The following VEPH1 variants were observed in gnomAD, a reference collection of about 807,000 sequenced individuals.
VEPH1 encodes ventricular zone-expressed PH domain-containing protein homolog 1.
In VEPH1, 80 loss-of-function variants were observed where a neutral mutation model predicts 85.2. That is an observed-to-expected ratio of 0.94 (90% CI 0.78 to 1.13). The LOEUF (loss-of-function observed/expected upper bound fraction) is 1.13, where lower values mean the gene tolerates loss of function less well. VEPH1 is among the 50% of genes most tolerant of loss of function. VEPH1 has a pLI of 0.00. For synonymous variants in VEPH1, 297 were observed against 348.0 expected (o/e 0.85, Z 1.63); for missense variants, 955 against 980.5 (o/e 0.97, Z 0.35).
At chr3:157,322,396 A>G (rs1339828626) in intron 9 of VEPH1, among the ~76,000 whole-genome samples, 2 of 152,174 alleles carry the variant, frequency 1.3e-5, no homozygotes, top group Non-Finnish European at 1.5e-5. Flanking sequence ...CCTTTTGGCT[A>G]CTGTGAATAA....
At position 157,327,603 on chromosome 3, in the gene VEPH1, T is replaced by C. The variant is rs368499812; in HGVS notation, c.1736-10402A>G. ...AGAATCAGGGAACTTTAGAAACACTTATAAGAGTCACACAGCAAAGGGTAG... is the reference window on the plus strand; with the variant it reads ...AGAATCAGGGAACTTTAGAAACACTCATAAGAGTCACACAGCAAAGGGTAG... On this transcript the variant is annotated intron_variant, in intron 9 of 13. Coordinates refer to ENST00000362010, the MANE Select transcript of VEPH1 (RefSeq NM_001167912.2). Among the ~76,000 whole-genome samples the C allele has an allele frequency of 8.0e-4, 122 of 152,240 alleles. 2 individuals are homozygous for C. In the South Asian group the frequency reaches 0.015, roughly 18 times the overall value.
intron 11 of VEPH1, among the ~76,000 whole-genome samples, chr3:157,308,509 T>C (rs1719761139): frequency 3.3e-5 from 5 of 152,046 alleles, no homozygotes; most frequent in Admixed American, 3.3e-4. Context: ...TCCATAAAAG[T>C]GGAGTAATTT....
intron 6 of VEPH1, among the ~76,000 whole-genome samples, chr3:157,406,688 C>T (rs959141834): frequency 2.0e-5 from 3 of 152,154 alleles, no homozygotes; most frequent in East Asian, 3.9e-4. Context: ...TTCACAGATG[C>T]GGGCTATTGG....
rs1443888636 is a variant in VEPH1, at chr3:157,470,463, T to C, written c.205A>G (p.Ile69Val). Residue 69 changes from isoleucine (I) to valine (V), a missense_variant, in exon 3 of 14, where the codon ATC becomes GTC. Ile to Val is a conservative substitution (Grantham distance 29, BLOSUM62 3). Coordinates refer to ENST00000362010, the MANE Select transcript of VEPH1 (RefSeq NM_001167912.2). ...EICITRITTA[I>V]RETESIEKHA... ...TTTTCAATGGACTCGGTCTCTCTGA[T>C]GGCTGTTGTGATTCTTGTGATACAG... 1.9e-6 allele frequency: 3 copies of C among 1,614,246 alleles called. No homozygotes were observed. The highest frequency in any genetic ancestry group is 1.1e-5 in the South Asian group (1 of 91,084).
At chr3:157,409,911 G>A in intron 6 of VEPH1, 3 of 985,400 alleles carry the variant, frequency 3.0e-6, no homozygotes, top group Non-Finnish European at 3.6e-6. Context: ...GGAGTTTGCT[G>A]GAAACCAGAA....
intron 2 of VEPH1, among the ~76,000 whole-genome samples, chr3:157,474,184 C>G (rs1577746316): frequency 6.6e-6 from 1 of 152,108 alleles, no homozygotes; most frequent in African/African-American, 2.4e-5. Context: ...AGTGAATTAA[C>G]ATTTCCTGCA....
chr3:157,437,179 A>G, intron 4 of VEPH1: 1 of 1,374,366 alleles, frequency 7.3e-7, no homozygotes, highest in Non-Finnish European at 1.0e-6. Flanking sequence ...ATAGCTTGTT[A>G]TGCAAAAGTG....
intron 2 of VEPH1, among the ~76,000 whole-genome samples, chr3:157,481,502 A>T (rs1738093625): frequency 1.3e-5 from 2 of 150,108 alleles, no homozygotes; most frequent in African/African-American, 2.5e-5. Flanking sequence ...CTAAGCAAAA[A>T]GAACAAAGTT....
At chr3:157,335,865 A>C (rs959681187) in intron 9 of VEPH1, among the ~76,000 whole-genome samples, 2 of 152,150 alleles carry the variant, frequency 1.3e-5, no homozygotes, top group Admixed American at 1.3e-4. Flanking sequence ...CCATTTCCTA[A>C]CACACTGCCT....
At chr3:157,489,340 G>A (rs1314523482) in intron 2 of VEPH1, 1 of 371,018 alleles carries the variant, frequency 2.7e-6, no homozygotes, top group Non-Finnish European at 5.4e-6. Context: ...ACAACCTCAG[G>A]ACTTTTGTAC....
chr3:157,413,740 C>T, intron 6 of VEPH1, 141 bp downstream of exon 6: 1 of 1,388,832 alleles, frequency 7.2e-7, no homozygotes, highest in Non-Finnish European at 9.5e-7. Flanking sequence ...AATCCCAGGA[C>T]AAATTTGTAT....
At position 157,313,764 on chromosome 3, in the gene VEPH1, G is replaced by A. The variant is rs1244262025; in HGVS notation, c.1876-9C>T. Reference sequence around the variant, plus strand: ...GGTTCAGGAAACAGGCTCTGAAAGGGCATTAAAGACAGAAACAGAATATAC... The same window carrying A: ...GGTTCAGGAAACAGGCTCTGAAAGGACATTAAAGACAGAAACAGAATATAC... On this transcript the variant is annotated splice_polypyrimidine_tract_variant and intron_variant, in intron 10 of 13. Coordinates refer to ENST00000362010, the MANE Select transcript of VEPH1 (RefSeq NM_001167912.2). 1 of 1,613,916 alleles carries A rather than the reference G, an allele frequency of 6.2e-7. No homozygotes were observed. The highest frequency in any genetic ancestry group is 8.5e-7 in the Non-Finnish European group (1 of 1,179,904).
At chr3:157,391,365 G>A (rs1729840151) in intron 6 of VEPH1, among the ~76,000 whole-genome samples, 1 of 152,222 alleles carries the variant, frequency 6.6e-6, no homozygotes. Flanking sequence ...CAAGCTGAGG[G>A]AGAGCAGTTT....
At chr3:157,449,088 C>T (rs190199193) in intron 4 of VEPH1, among the ~76,000 whole-genome samples, 2 of 152,328 alleles carry the variant, frequency 1.3e-5, no homozygotes, top group East Asian at 1.9e-4. Context: ...GTCCAATAAA[C>T]ATCTTTCTTT....
At chr3:157,456,251 T>C (rs949319378) in intron 4 of VEPH1, among the ~76,000 whole-genome samples, 13 of 152,214 alleles carry the variant, frequency 8.5e-5, no homozygotes, top group Non-Finnish European at 1.5e-4. Context: ...TTATAGATGT[T>C]GGATATTAGA....
At chr3:157,424,809 G>A (rs1470841996) in intron 5 of VEPH1, among the ~76,000 whole-genome samples, 1 of 152,184 alleles carries the variant, frequency 6.6e-6, no homozygotes, top group Non-Finnish European at 1.5e-5. Flanking sequence ...TATAAGGGAA[G>A]CAGAGCATAA....
intron 4 of VEPH1, among the ~76,000 whole-genome samples, chr3:157,451,076 T>C (rs1315036774): frequency 6.6e-6 from 1 of 152,238 alleles, no homozygotes; most frequent in Non-Finnish European, 1.5e-5. Context: ...GGTATTGATA[T>C]CCTGGCTATA....
chr3:157,497,513 T>G (rs1377497496), intron 1 of VEPH1, among the ~76,000 whole-genome samples: 4 of 152,190 alleles, frequency 2.6e-5, no homozygotes, highest in African/African-American at 9.7e-5. Flanking sequence ...CCTCCCAGGC[T>G]CAGATATTTA....
intron 9 of VEPH1, among the ~76,000 whole-genome samples, chr3:157,335,079 T>A (rs1722838580): frequency 6.6e-6 from 1 of 152,192 alleles, no homozygotes; most frequent in African/African-American, 2.4e-5. Flanking sequence ...ATCACCTTCA[T>A]CAATATTATA....
Sources: gnomAD v4.1 joint callset for allele counts (sites outside exome capture counted in the v4.1 genomes callset) on GRCh38, gnomAD v4.1.1 for gene constraint, MANE v1.5 for transcripts, NCBI Gene and HGNC (gene_info 2026-07-23, HGNC 2026-07-21) for gene names.